The following TTC21B variants were observed in gnomAD, a reference collection of about 807,000 sequenced individuals.
The protein encoded by TTC21B is tetratricopeptide repeat domain 21B.
Under a neutral mutation model 175.1 loss-of-function variants are expected in TTC21B, and 127 were observed. That is an observed-to-expected ratio of 0.73 (90% confidence interval 0.63 to 0.84). The LOEUF is 0.84. Ranked by LOEUF, TTC21B falls within the 40% of genes least tolerant of loss-of-function variation. TTC21B has a pLI of 0.00. For synonymous variants in TTC21B, 524 were observed against 524.5 expected (o/e 1.00, Z 0.01); for missense variants, 1,561 against 1,558.3 (o/e 1.00, Z -0.03).
intron 5 of TTC21B, among the ~76,000 whole-genome samples, 190 bp from the exon 6 acceptor site, chr2:165,941,374 T>C (rs1456847302): frequency 2.0e-5 from 3 of 152,182 alleles, no homozygotes; most frequent in Admixed American, 2.0e-4. Context: ...ATATAAGCTA[T>C]TGTGTTTTAA....
chr2:165,893,239 G>T (rs975931376), intron 22 of TTC21B, among the ~76,000 whole-genome samples: 1 of 152,072 alleles, frequency 6.6e-6, no homozygotes, highest in Non-Finnish European at 1.5e-5. Context: ...AATTACAAAT[G>T]TTATTAATAA....
intron 27 of TTC21B, among the ~76,000 whole-genome samples, chr2:165,879,463 G>A (rs1278309478): frequency 6.6e-6 from 1 of 152,208 alleles, no homozygotes; most frequent in African/African-American, 2.4e-5. Context: ...ACAGATGAGG[G>A]AAGACCTGAG....
At position 165,915,350 on chromosome 2, in the gene TTC21B, A is replaced by G; in HGVS notation, c.1989T>C (p.Leu663=). The G allele has an allele frequency of 6.2e-7, 1 of 1,614,132 alleles. No homozygotes were observed. The highest frequency in any genetic ancestry group is 8.5e-7 in the Non-Finnish European group (1 of 1,179,990). The change falls in exon 15 of 29, where the codon CTT becomes CTC. Residue 663 remains leucine, a synonymous_variant. Coordinates refer to ENST00000243344, the MANE Select transcript of TTC21B (RefSeq NM_024753.5). ...GTTCAATATCTCCTTGGGCTAGAGC[A>G]AGGTCTGCATTAGCAATGGTAACCC... is the stretch of plus-strand genomic sequence containing the variant. ...EVRVTIANAD[L]ALAQGDIERA...
chr2:165,927,012 A>ATATATATC lies in TTC21B; in HGVS notation c.1386+2122_1386+2123insGATATATA, dbSNP rs1286306156. Among the ~76,000 whole-genome samples, 2 of 110,450 alleles carry ATATATATC rather than the reference A, an allele frequency of 1.8e-5. 1 individual carries two copies. Among genetic ancestry groups the ATATATATC allele is most frequent in the Non-Finnish European group, 3.8e-5 (2 of 53,086 alleles). The allele number at this position is 110,450 out of a possible 152,430, so 72.5% of individuals were successfully genotyped here. ...CTCCCATATATATATATATATATAT[A>ATATATATC]TATATCTCCTAGTAGTTATATATAT... is the stretch of plus-strand genomic sequence containing the variant. On this transcript the variant is annotated intron_variant, in intron 11 of 28. Coordinates refer to ENST00000243344, the MANE Select transcript of TTC21B (RefSeq NM_024753.5).
chr2:165,947,278 AGAAAT>A, intron 3 of TTC21B: 1 of 109,984 alleles, frequency 9.1e-6, no homozygotes, highest in South Asian at 3.4e-4. Flanking sequence ...ATGAGGAAGA[AGAAAT>A]GTAAGTTGCG....
intron 3 of TTC21B, chr2:165,949,157 C>G (rs895418712): frequency 7.9e-6 from 4 of 505,568 alleles, no homozygotes; most frequent in Non-Finnish European, 1.4e-5. Context: ...CTAAAAAAAT[C>G]CCTATGTACT....
chr2:165,906,246 C>A (rs1213544116), intron 19 of TTC21B, among the ~76,000 whole-genome samples: 2 of 73,496 alleles, frequency 2.7e-5, no homozygotes, highest in East Asian at 4.3e-4. Context: ...CATACTATTT[C>A]AAGAGGCTAA....
chr2:165,913,056 T>C (rs1686014669), intron 16 of TTC21B, among the ~76,000 whole-genome samples: 2 of 151,976 alleles, frequency 1.3e-5, no homozygotes, highest in African/African-American at 4.8e-5. Flanking sequence ...TTTTTTTTTT[T>C]GAGATGGAGT....
chr2:165,888,415 A>C lies in TTC21B; in HGVS notation c.3323T>G (p.Leu1108Arg), dbSNP rs184000804. The change falls in exon 25 of 29, where the codon CTT becomes CGT. Residue 1108 changes from leucine (L) to arginine (R), a missense_variant. Transcript: ENST00000243344. The part of the protein sequence containing the change: ...QLAVRTAEKL[L>R]KELKPQTVQG... ...AACAGTCTGAGGTTTTAGTTCCTTA[A>C]GAAGTTTTTCTGCTGTTCTTACTGC... 28 of 1,613,964 alleles carry C rather than the reference A, an allele frequency of 1.7e-5. No individual in the cohort carries two copies. Among genetic ancestry groups the C allele is most frequent in the Non-Finnish European group, 1.9e-5 (23 of 1,179,924 alleles).
In TTC21B at chr2:165,898,711, T is replaced by C. The variant is rs1350834511; in HGVS notation, c.2925A>G (p.Leu975=). Residue 975 remains leucine (L), a synonymous_variant, in exon 22 of 29, where the codon TTA becomes TTG. Transcript: ENST00000243344. ...CTGGCTTACGTTCTAAAAGCTGCTG[T>C]AAATGAAACACTGCTTGTTCATAGT... ...KQDYEQAVFH[L]QQLLERKPDN... is the part of the protein sequence containing the mutation. 1 of 1,613,104 alleles carries C rather than the reference T, an allele frequency of 6.2e-7. No individual in the cohort carries two copies. Among genetic ancestry groups the C allele is most frequent in the African/African-American group, 1.3e-5 (1 of 74,900 alleles).
At chr2:165,885,119 C>T (rs147790169) in intron 25 of TTC21B, among the ~76,000 whole-genome samples, 39 of 152,212 alleles carry the variant, frequency 2.6e-4, no homozygotes, top group Admixed American at 2.3e-3. Context: ...CACTGCACTC[C>T]AGCATGGAAG....
At chr2:165,940,176 A>G (rs116482443) in intron 6 of TTC21B, among the ~76,000 whole-genome samples, 338 of 152,178 alleles carry the variant, frequency 2.2e-3, no homozygotes, top group African/African-American at 7.8e-3. Flanking sequence ...TCACTTCTCA[A>G]AGCACTTCCA....
chr2:165,911,360 T>G lies in TTC21B; in HGVS notation c.2428A>C (p.Lys810Gln), dbSNP rs1266544902. The change falls in exon 18 of 29, where the codon AAA becomes CAA. Residue 810 changes from lysine to glutamine, a missense_variant. By Grantham distance (53) the Lys-to-Gln change is moderately conservative. Transcript: ENST00000243344. ...TGAGCCAGAGCATGCTGAAGAACTT[T>G]TTCTGCTTTGTCATACCATTTCAAT... ...LKLKWYDKAE[K>Q]VLQHALAHEP... The G allele has an allele frequency of 6.2e-7, 1 of 1,613,936 alleles. No individual in the cohort carries two copies. The highest frequency in any genetic ancestry group is 1.1e-5 in the South Asian group (1 of 91,080).
chr2:165,915,870 T>C (rs1487070564), intron 14 of TTC21B, among the ~76,000 whole-genome samples: 1 of 152,214 alleles, frequency 6.6e-6, no homozygotes, highest in Non-Finnish European at 1.5e-5. Flanking sequence ...TAAAATGTCA[T>C]TTAAGAGTCA....
At chr2:165,928,938 T>A (rs1447088205) in intron 11 of TTC21B, 197 bp downstream of exon 11, 1 of 579,814 alleles carries the variant, frequency 1.7e-6, no homozygotes, top group African/African-American at 1.9e-5. Context: ...AATGAATATT[T>A]GCAAACCAAT....
intron 11 of TTC21B, 120 bp from the exon 12 acceptor site, chr2:165,924,798 G>C: frequency 8.8e-7 from 1 of 1,131,914 alleles, no homozygotes; most frequent in Middle Eastern, 3.0e-4. Flanking sequence ...AAATTTCTTT[G>C]ATTTAACTTA....
At chr2:165,909,739 A>G (rs968005037) in intron 18 of TTC21B, among the ~76,000 whole-genome samples, 1 of 152,156 alleles carries the variant, frequency 6.6e-6, no homozygotes, top group African/African-American at 2.4e-5. Context: ...GCTTCCAACT[A>G]TTTCCCAAGC....
intron 7 of TTC21B, among the ~76,000 whole-genome samples, chr2:165,932,146 C>T (rs1686934185): frequency 6.6e-6 from 1 of 152,092 alleles, no homozygotes; most frequent in Non-Finnish European, 1.5e-5. Flanking sequence ...TGTACATGCC[C>T]AGCTCCGCCT....
chr2:165,896,240 T>C (rs1226563755), intron 22 of TTC21B, among the ~76,000 whole-genome samples: 1 of 152,132 alleles, frequency 6.6e-6, no homozygotes, highest in Non-Finnish European at 1.5e-5. Context: ...ACACAGGTAG[T>C]AACATACAGT....
Sources: allele counts gnomAD v4.1 joint callset (sites outside exome capture counted in the v4.1 genomes callset), GRCh38; gene constraint gnomAD v4.1.1; transcripts MANE v1.5; gene names NCBI Gene and HGNC (gene_info 2026-07-23, HGNC 2026-07-21).